The following DSCAML1 variants were observed in gnomAD, a reference collection of about 807,000 sequenced individuals.
DSCAML1 encodes the protein cell adhesion molecule DSCAML1.
A neutral mutation model predicts 200.5 loss-of-function variants in DSCAML1; 38 were observed. The observed-to-expected ratio is 0.19, with a 90% CI of 0.15 to 0.25. DSCAML1 has a LOEUF of 0.25. DSCAML1 is among the 10% of genes least tolerant of loss of function. DSCAML1 has a pLI of 1.00. For synonymous variants in DSCAML1, 1,215 were observed against 1,165.0 expected (o/e 1.04, Z -0.87); for missense variants, 2,223 against 2,858.8 (o/e 0.78, Z 5.07).
chr11:117,698,973 C>CAA (rs887277926), intron 3 of DSCAML1, among the ~76,000 whole-genome samples: 6 of 152,234 alleles, frequency 3.9e-5, no homozygotes, highest in Non-Finnish European at 7.3e-5. Flanking sequence ...TACGGCACTG[C>CAA]AAACCTCTGT....
intron 3 of DSCAML1, among the ~76,000 whole-genome samples, chr11:117,740,341 T>C (rs2054398817): frequency 6.6e-6 from 1 of 152,160 alleles, no homozygotes; most frequent in African/African-American, 2.4e-5. Context: ...TCAAAGTTCA[T>C]ACTCTTTCCC....
intron 3 of DSCAML1, among the ~76,000 whole-genome samples, chr11:117,595,662 A>G (rs1419650661): frequency 2.6e-5 from 4 of 152,138 alleles, no homozygotes; most frequent in African/African-American, 9.7e-5. Context: ...CTCCCTGGTG[A>G]TGCATTTCAG....
chr11:117,757,609 C>CACACAA, intron 3 of DSCAML1, among the ~76,000 whole-genome samples: 1 of 143,412 alleles, frequency 7.0e-6, no homozygotes, highest in Non-Finnish European at 1.6e-5. Context: ...CACACACACA[C>CACACAA]ACACACACAC....
chr11:117,814,080 G>C (rs1235218928), intron 1 of DSCAML1, among the ~76,000 whole-genome samples: 1 of 152,104 alleles, frequency 6.6e-6, no homozygotes, highest in Non-Finnish European at 1.5e-5. Flanking sequence ...TTAACCCTGT[G>C]AATTTCCTTC....
intron 3 of DSCAML1, among the ~76,000 whole-genome samples, chr11:117,704,261 C>T (rs1042346883): frequency 6.6e-6 from 1 of 151,970 alleles, no homozygotes; most frequent in Admixed American, 6.6e-5. Context: ...ATGATAAAAA[C>T]TTAATTATCA....
chr11:117,435,681 G>A lies in DSCAML1; in HGVS notation c.4839C>T (p.Arg1613=), dbSNP rs535779731. 12 of 1,607,274 alleles carry A rather than the reference G, an allele frequency of 7.5e-6. No individual in the cohort carries two copies. In the African/African-American group the frequency reaches 1.5e-4, roughly 20 times the overall value. Reference sequence around the variant, plus strand: ...TCAGCCGTTTCTCCTTCCTCTTCTTGCGTACGATGAAGAGCAGTGCCACCC... The same window carrying A: ...TCAGCCGTTTCTCCTTCCTCTTCTTACGTACGATGAAGAGCAGTGCCACCC... ...TLGVALLFIV[R]KKRKEKRLKR... The change falls in exon 27 of 33, where the codon CGC becomes CGT. Residue 1613 remains arginine (R), a synonymous_variant. Transcript: ENST00000651296.
intron 3 of DSCAML1, among the ~76,000 whole-genome samples, chr11:117,573,323 G>T (rs1182887720): frequency 6.6e-6 from 1 of 152,222 alleles, no homozygotes; most frequent in East Asian, 1.9e-4. Flanking sequence ...TTATCAATTA[G>T]ATTCCAGTCT....
chr11:117,666,003 A>T (rs2052967020), intron 3 of DSCAML1, among the ~76,000 whole-genome samples: 1 of 152,152 alleles, frequency 6.6e-6, no homozygotes, highest in Non-Finnish European at 1.5e-5. Context: ...AGGATTGAGG[A>T]AGGACTTTTG....
chr11:117,435,586 G>A, intron 27 of DSCAML1, 58 bp downstream of exon 27: 2 of 1,531,524 alleles, frequency 1.3e-6, no homozygotes, highest in Non-Finnish European at 1.8e-6. Context: ...GAAGGGGGGG[G>A]ACAATGTGGC....
chr11:117,663,773 G>A (rs2052914762), intron 3 of DSCAML1, among the ~76,000 whole-genome samples: 2 of 152,172 alleles, frequency 1.3e-5, no homozygotes, highest in South Asian at 4.2e-4. Context: ...ACTGAGTACA[G>A]GGGGGCTGGG....
chr11:117,696,094 A>G (rs968939906), intron 3 of DSCAML1, among the ~76,000 whole-genome samples: 37 of 152,238 alleles, frequency 2.4e-4, no homozygotes, highest in Non-Finnish European at 1.0e-4. Context: ...CTGAAGGAAA[A>G]GGGGAAGTAG....
chr11:117,705,378 C>T (rs771982133), intron 3 of DSCAML1, among the ~76,000 whole-genome samples: 8 of 151,970 alleles, frequency 5.3e-5, no homozygotes, highest in Admixed American at 2.0e-4. Context: ...TATTTTTTTG[C>T]TTTTGTGAAG....
intron 3 of DSCAML1, among the ~76,000 whole-genome samples, chr11:117,637,665 G>T (rs575867229): frequency 2.0e-5 from 3 of 152,246 alleles, no homozygotes; most frequent in East Asian, 3.9e-4. Context: ...AGATTAAAAA[G>T]AAATGAATGA....
intron 3 of DSCAML1, among the ~76,000 whole-genome samples, chr11:117,731,964 G>T (rs1391602784): frequency 1.3e-5 from 2 of 152,206 alleles, no homozygotes; most frequent in Non-Finnish European, 2.9e-5. Flanking sequence ...GCTGGACAGA[G>T]GGCCGGGGTG....
chr11:117,699,184 G>A (rs1399482898), intron 3 of DSCAML1, among the ~76,000 whole-genome samples: 1 of 152,188 alleles, frequency 6.6e-6, no homozygotes, highest in Non-Finnish European at 1.5e-5. Context: ...CAGACAGCAA[G>A]CATATGGATT....
intron 1 of DSCAML1, among the ~76,000 whole-genome samples, chr11:117,795,996 C>T (rs115865940): frequency 0.22 from 33,840 of 152,098 alleles, 4,416 homozygotes; most frequent in Non-Finnish European, 0.3. Flanking sequence ...TGTGCTCCAC[C>T]ACGCAAGGGC....
rs765987759 is a variant in DSCAML1, at chr11:117,450,504, T to A, written c.3708+45A>T. 26 of 1,596,232 alleles carry A rather than the reference T, an allele frequency of 1.6e-5. 1 individual carries two copies. In the Middle Eastern group the frequency reaches 6.7e-4, roughly 41 times the overall value. ...GCCGGCTGATGTACAAGGTCCCTTT[T>A]CTTTTCTTCCATCCCCTTCATCATC... On this transcript the variant is annotated intron_variant, in intron 20 of 32. Transcript: ENST00000651296.
chr11:117,632,151 G>A (rs1470632021), intron 3 of DSCAML1, among the ~76,000 whole-genome samples: 1 of 152,148 alleles, frequency 6.6e-6, no homozygotes, highest in East Asian at 1.9e-4. Context: ...AGGTCATCAC[G>A]GACTATTAGA....
intron 8 of DSCAML1, among the ~76,000 whole-genome samples, chr11:117,511,803 A>T (rs2049623794): frequency 6.6e-6 from 1 of 152,206 alleles, no homozygotes; most frequent in African/African-American, 2.4e-5. Flanking sequence ...ACACTTGCGT[A>T]TGTGTAACTG....
Sources: allele counts gnomAD v4.1 joint callset (sites outside exome capture counted in the v4.1 genomes callset), GRCh38; gene constraint gnomAD v4.1.1; transcripts MANE v1.5; gene names NCBI Gene and HGNC (gene_info 2026-07-23, HGNC 2026-07-21).